The following ANO10 variants were observed in gnomAD, a reference collection of about 807,000 sequenced individuals.
ANO10 encodes the protein anoctamin 10.
In ANO10, 77 loss-of-function variants were observed where a neutral mutation model predicts 74.7. The ratio of observed to expected loss-of-function variants is 1.03; its 90% CI spans 0.86 to 1.25. The LOEUF (loss-of-function observed/expected upper bound fraction) is 1.25. Ranked by LOEUF, ANO10 falls within the 50% of genes most tolerant of loss-of-function variation. The pLI is 0.00. For synonymous variants in ANO10, 279 were observed against 284.9 expected (o/e 0.98, Z 0.21); for missense variants, 721 against 778.1 (o/e 0.93, Z 0.87).
At chr3:43,591,864 C>T (rs1410408140) in intron 4 of ANO10, among the ~76,000 whole-genome samples, 1 of 152,230 alleles carries the variant, frequency 6.6e-6, no homozygotes, top group Non-Finnish European at 1.5e-5. Context: ...GAAGCCGTGA[C>T]AGATGGCACC....
upstream of ANO10, among the ~76,000 whole-genome samples, chr3:43,625,518 G>C (rs1326837081): frequency 1.3e-5 from 2 of 152,162 alleles, no homozygotes; most frequent in African/African-American, 4.8e-5. Context: ...GACATGGGCA[G>C]CAGTGGACTT....
intron 4 of ANO10, among the ~76,000 whole-genome samples, chr3:43,592,319 C>T (rs919154665): frequency 6.6e-6 from 1 of 152,226 alleles, no homozygotes; most frequent in African/African-American, 2.4e-5. Flanking sequence ...TCCCTGACCA[C>T]CGAGTAGCCT....
intron 11 of ANO10, among the ~76,000 whole-genome samples, chr3:43,447,763 T>C (rs2093269493): frequency 6.6e-6 from 1 of 152,240 alleles, no homozygotes; most frequent in African/African-American, 2.4e-5. Flanking sequence ...AGTTGCTGTA[T>C]ACCTGTCATT....
intron 11 of ANO10, among the ~76,000 whole-genome samples, chr3:43,470,775 T>C (rs1284614381): frequency 6.6e-6 from 1 of 151,942 alleles, no homozygotes; most frequent in Non-Finnish European, 1.5e-5. Context: ...TACAGCCGCA[T>C]CTCACCACAC....
intron 11 of ANO10, among the ~76,000 whole-genome samples, chr3:43,450,467 G>A (rs2148994149): frequency 6.6e-6 from 1 of 152,320 alleles, no homozygotes; most frequent in Middle Eastern, 3.4e-3. Context: ...CTTGAACCCA[G>A]GAGGCGGAGG....
At chr3:43,658,308 A>G (rs575288918) in intron 1 of ANO10, among the ~76,000 whole-genome samples, 10 of 152,276 alleles carry the variant, frequency 6.6e-5, no homozygotes, top group African/African-American at 1.9e-4. Flanking sequence ...CACAGAGCAA[A>G]TCATCGAAGA....
chr3:43,422,640 T>C (rs934898290), intron 12 of ANO10, among the ~76,000 whole-genome samples: 4 of 152,314 alleles, frequency 2.6e-5, no homozygotes, highest in African/African-American at 7.2e-5. Context: ...AATCTATCAA[T>C]GGGGTGACTT....
chr3:43,517,756 G>A (rs1197310911), intron 11 of ANO10, among the ~76,000 whole-genome samples: 1 of 152,182 alleles, frequency 6.6e-6, no homozygotes, highest in Admixed American at 6.5e-5. Flanking sequence ...AAATGAGCTT[G>A]CATCTCATGC....
At chr3:43,527,591 T>C (rs916441239) in intron 11 of ANO10, among the ~76,000 whole-genome samples, 19 of 152,212 alleles carry the variant, frequency 1.2e-4, no homozygotes, top group Non-Finnish European at 2.6e-4. Context: ...AAACTAACCA[T>C]TCCTCATACC....
At chr3:43,387,318 G>A (rs892959496) in intron 12 of ANO10, among the ~76,000 whole-genome samples, 1 of 152,200 alleles carries the variant, frequency 6.6e-6, no homozygotes, top group Non-Finnish European at 1.5e-5. Flanking sequence ...GTGCGTGACT[G>A]CACTTGGTGT....
At chr3:43,369,713 G>T (rs2091540051) in intron 12 of ANO10, among the ~76,000 whole-genome samples, 1 of 152,166 alleles carries the variant, frequency 6.6e-6, no homozygotes. Context: ...CGACTCCCTG[G>T]GTTGCCTGTG....
At chr3:43,568,287 G>A (rs1172506038) in intron 7 of ANO10, among the ~76,000 whole-genome samples, 1 of 151,868 alleles carries the variant, frequency 6.6e-6, no homozygotes, top group Non-Finnish European at 1.5e-5. Flanking sequence ...GAGACAGAAA[G>A]TCAACAAGGA....
chr3:43,684,970 T>A (rs1559402057), intron 1 of ANO10, among the ~76,000 whole-genome samples: 1 of 152,292 alleles, frequency 6.6e-6, no homozygotes, highest in Non-Finnish European at 1.5e-5. Flanking sequence ...TTAGGAGATA[T>A]ATCTAATGTT....
intron 1 of ANO10, among the ~76,000 whole-genome samples, chr3:43,686,963 T>C (rs1484599516): frequency 1.3e-5 from 2 of 151,882 alleles, no homozygotes; most frequent in Non-Finnish European, 2.9e-5. Context: ...CACAGAAGTC[T>C]GCATGCAAAT....
At chr3:43,458,357 G>C (rs555074235) in intron 11 of ANO10, among the ~76,000 whole-genome samples, 1 of 152,224 alleles carries the variant, frequency 6.6e-6, no homozygotes, top group South Asian at 2.1e-4. Context: ...AAAGAATCCA[G>C]GATACCTGTT....
intron 11 of ANO10, among the ~76,000 whole-genome samples, chr3:43,449,156 C>T (rs886873961): frequency 7.2e-5 from 11 of 152,070 alleles, no homozygotes; most frequent in African/African-American, 2.4e-4. Context: ...GGATTACAGG[C>T]GTGAGCCACC....
At chr3:43,521,676 C>T (rs901348627) in intron 11 of ANO10, among the ~76,000 whole-genome samples, 3 of 152,006 alleles carry the variant, frequency 2.0e-5, no homozygotes, top group Non-Finnish European at 4.4e-5. Context: ...AAACTGAAAC[C>T]CTCGTACGTT....
Position 43,392,778 on chromosome 3 carries a change from C to T in ANO10, c.1915-25804G>A, listed in dbSNP as rs564391682. Among the ~76,000 whole-genome samples, 3 of 152,250 alleles carry T rather than the reference C, an allele frequency of 2.0e-5. No individual in the cohort carries two copies. The South Asian group carries it at 6.2e-4, about 32-fold the overall frequency. ...CATTCTATTTCTCTCCTCTCTTTTC[C>T]AGCCAAATGCATTTAAGTTGTCTAT... On this transcript the variant is annotated intron_variant, in intron 12 of 12. Coordinates refer to ENST00000292246, the MANE Select transcript of ANO10 (RefSeq NM_018075.5).
chr3:43,486,047 T>C (rs531491630), intron 11 of ANO10, among the ~76,000 whole-genome samples: 4 of 152,348 alleles, frequency 2.6e-5, no homozygotes, highest in South Asian at 4.1e-4. Flanking sequence ...TGCAAAGCTG[T>C]CTCTTGTTGG....
Sources: gnomAD v4.1 joint callset for allele counts (sites outside exome capture counted in the v4.1 genomes callset) on GRCh38, gnomAD v4.1.1 for gene constraint, MANE v1.5 for transcripts, NCBI Gene and HGNC (gene_info 2026-07-23, HGNC 2026-07-21) for gene names.